ZFP62: variants seen among roughly 807,000 people sequenced by gnomAD.
ZFP62 encodes ZFP62 zinc finger protein, also known as zinc finger protein 62 homolog.
Under a neutral mutation model 56.4 loss-of-function variants are expected in ZFP62, and 44 were observed. That is an observed-to-expected ratio of 0.78 (90% CI 0.61 to 1.00). The LOEUF (loss-of-function observed/expected upper bound fraction) is 1.00. Ranked by LOEUF, ZFP62 falls within the 50% of genes least tolerant of loss-of-function variation. The pLI, the probability that ZFP62 is intolerant of heterozygous loss-of-function variation, is 0.00. For missense variants in ZFP62, 1,030 were observed against 1,085.7 expected, an observed-to-expected ratio of 0.95 and a Z score of 0.72; for synonymous variants, 421 against 388.9, an observed-to-expected ratio of 1.08 and a Z score of -0.97.
chr5:180,831,564 T>C, the ZFP62 span: 2 of 152,434 alleles, frequency 1.3e-5, no homozygotes, highest in African/African-American at 4.8e-5. Flanking sequence ...AACCGGCCTA[T>C]GCGCCAAGCG....
the ZFP62 span, chr5:180,831,775 A>G: frequency 6.5e-6 from 1 of 152,932 alleles, no homozygotes. Flanking sequence ...CCTCGACCTC[A>G]GTTGCCACGT....
In ZFP62 at chr5:180,850,858, T is replaced by A; in HGVS notation, c.637A>T (p.Ile213Leu). ...GKAYMSYSSL[I>L]NHKSTHSGEK... ...CCAGAATGGGTGCTTTTGTGGTTTA[T>A]AAGGCTGGAGTAGGACATGTAGGCT... The change falls in exon 2 of 2, where the codon ATA becomes TTA. Residue 213 changes from isoleucine to leucine, a missense_variant. Transcript: ENST00000502412. 6.4e-7 allele frequency: 1 copy of A among 1,563,428 alleles called. No individual in the cohort carries two copies. The highest frequency in any genetic ancestry group is 8.7e-7 in the Non-Finnish European group (1 of 1,154,016).
At position 180,849,061 on chromosome 5, in the gene ZFP62, G is replaced by T; in HGVS notation, c.2434C>A (p.Pro812Thr). 1 of 1,552,154 alleles carries T rather than the reference G, an allele frequency of 6.4e-7. No individual in the cohort carries two copies. Among genetic ancestry groups the T allele is most frequent in the Non-Finnish European group, 8.7e-7 (1 of 1,147,118 alleles). ...GATTTCCCACACTCACAATTATAGG[G>T]CTGCTTCCCCTGGTGGACACTTTTA... ...NHKSVHQGKQ[P>T]YNCECGKSFN... The change falls in exon 2 of 2, where the codon CCC becomes ACC. Residue 812 changes from proline to threonine, a missense_variant. Transcript: ENST00000502412.
intron 1 of ZFP62, among the ~76,000 whole-genome samples, chr5:180,854,933 T>G (rs1773894097): frequency 6.6e-6 from 1 of 152,206 alleles, no homozygotes; most frequent in Non-Finnish European, 1.5e-5. Context: ...GGAAAATTGT[T>G]ATAGAAAACA....
In ZFP62 at chr5:180,849,311, G is replaced by A. The variant is rs758339658; in HGVS notation, c.2184C>T (p.Pro728=). ...ATTTCCCACACTCAACACACTTGAA[G>A]GGTTTCTCCCCAAGATGGACTCTTT... is the stretch of plus-strand genomic sequence containing the variant. The part of the protein sequence containing the change: ...SHKRVHLGEK[P]FKCVECGKSF... Residue 728 remains proline, a synonymous_variant, in exon 2 of 2, where the codon CCC becomes CCT. Transcript: ENST00000502412. The A allele has an allele frequency of 5.8e-6, 9 of 1,552,198 alleles. No homozygotes were observed. In the African/African-American group the frequency reaches 8.2e-5, roughly 14 times the overall value.
At chr5:180,858,392 G>A (rs1774122175) in intron 1 of ZFP62, among the ~76,000 whole-genome samples, 1 of 151,892 alleles carries the variant, frequency 6.6e-6, no homozygotes, top group African/African-American at 2.4e-5. Context: ...ATCACTTGAG[G>A]CTAGGAGTTC....
downstream of ZFP62, chr5:180,847,597 A>G (rs903258043): frequency 9.1e-6 from 9 of 985,304 alleles, no homozygotes; most frequent in African/African-American, 1.6e-4. Flanking sequence ...TCCTCCATCT[A>G]AACTCACAGC....
In ZFP62 at chr5:180,847,674, A is replaced by G. The variant is rs1221523468; in HGVS notation, c.*1118T>C. 2.0e-6 allele frequency: 2 copies of G among 985,362 alleles called. No individual in the cohort carries two copies. Among genetic ancestry groups the G allele is most frequent in the Non-Finnish European group, 2.4e-6 (2 of 829,946 alleles). 61.0% of individuals were successfully genotyped at this position (985,362 alleles called of 1,614,324 possible). On this transcript the variant is annotated 3_prime_UTR_variant, in exon 2 of 2. Transcript: ENST00000502412. ...ACCTCGCCACAAGGAGCTGGCTTTC[A>G]TGACAAAGAGAGAGTGAGCCCTGAA...
the ZFP62 span, chr5:180,832,891 C>T: frequency 0.035 from 5,356 of 152,292 alleles, 103 homozygotes; most frequent in South Asian, 0.073. Context: ...AGTTTGAGAA[C>T]CGCTGTTCTA....
Position 180,851,004 on chromosome 5 carries a change from G to C in ZFP62, c.491C>G (p.Thr164Ser), listed in dbSNP as rs368580289. 1.4e-4 allele frequency: 220 copies of C among 1,551,904 alleles called. No homozygotes were observed. In the African/African-American group the frequency reaches 2.5e-3, roughly 18 times the overall value. The change falls in exon 2 of 2, where the codon ACT (threonine) becomes AGT (serine). Residue 164 changes from threonine (T) to serine (S), a missense_variant. Thr to Ser is a moderately conservative substitution (Grantham distance 58). Transcript: ENST00000502412. ...ATCACATTCATAGCGCTTTTCCCCA[G>C]TGTGCATAATTTTATGTTGAACAAG... Reference protein sequence around the residue: ...SRLVQHKIMHTGEKRYECDDC... With the variant: ...SRLVQHKIMHSGEKRYECDDC...
intron 1 of ZFP62, among the ~76,000 whole-genome samples, chr5:180,854,704 G>A (rs373101574): frequency 6.6e-6 from 1 of 152,202 alleles, no homozygotes; most frequent in Non-Finnish European, 1.5e-5. Flanking sequence ...CATCACCTAT[G>A]AGAATGCATT....
chr5:180,852,635 G>C (rs1773774089), intron 1 of ZFP62, among the ~76,000 whole-genome samples: 1 of 151,652 alleles, frequency 6.6e-6, no homozygotes, highest in African/African-American at 2.4e-5. Context: ...ATGGAATAGA[G>C]CTCTAAATAT....
chr5:180,846,909 G>A (rs1445981384), downstream of ZFP62, among the ~76,000 whole-genome samples: 4 of 152,194 alleles, frequency 2.6e-5, no homozygotes, highest in Non-Finnish European at 5.9e-5. Context: ...ATGTGCAAAG[G>A]AGGATAGAGA....
In ZFP62 at chr5:180,849,367, A is replaced by G; in HGVS notation, c.2128T>C (p.Phe710Leu). Reference protein sequence around the residue: ...PHTCDECGKAFFSSRTLISHK... With the variant: ...PHTCDECGKALFSSRTLISHK... The stretch of plus-strand genomic sequence containing the variant: ...CTTATAAGAGTTCTGCTTGAGAAAA[A>G]AGCTTTTCCACATTCATCACATGTA... Residue 710 changes from phenylalanine to leucine, a missense_variant, in exon 2 of 2, where the codon TTT becomes CTT. Coordinates refer to ENST00000502412, the MANE Select transcript of ZFP62 (RefSeq NM_001172638.2). The G allele has an allele frequency of 3.9e-6, 6 of 1,551,534 alleles. No individual in the cohort carries two copies. Among genetic ancestry groups the G allele is most frequent in the Non-Finnish European group, 5.2e-6 (6 of 1,146,968 alleles).
At chr5:180,859,641 A>G (rs1428347363) in intron 1 of ZFP62, among the ~76,000 whole-genome samples, 3 of 152,174 alleles carry the variant, frequency 2.0e-5, no homozygotes, top group African/African-American at 7.2e-5. Context: ...GCGATACTAA[A>G]AGGGAGGCTG....
chr5:180,828,298 G>A, the ZFP62 span, among the ~76,000 whole-genome samples: 1 of 152,184 alleles, frequency 6.6e-6, no homozygotes, highest in African/African-American at 2.4e-5. Flanking sequence ...GACACAGGGT[G>A]TTTTGGAGTT....
the ZFP62 span, among the ~76,000 whole-genome samples, chr5:180,827,793 C>T: frequency 5.3e-5 from 8 of 152,176 alleles, no homozygotes; most frequent in African/African-American, 1.4e-4. Context: ...TGGAATGTCT[C>T]GGTATAAAAC....
chr5:180,854,820 T>A (rs939718741), intron 1 of ZFP62, among the ~76,000 whole-genome samples: 3 of 152,170 alleles, frequency 2.0e-5, no homozygotes, highest in Non-Finnish European at 2.9e-5. Flanking sequence ...ATCATTTTCA[T>A]AAAAGACAAA....
chr5:180,829,919 C>G, the ZFP62 span: 1 of 152,250 alleles, frequency 6.6e-6, no homozygotes, highest in Non-Finnish European at 1.5e-5. Flanking sequence ...CACCTTCATA[C>G]TTCTTCCACA....
Sources: allele counts gnomAD v4.1 joint callset (sites outside exome capture counted in the v4.1 genomes callset), GRCh38; gene constraint gnomAD v4.1.1; transcripts MANE v1.5; gene names NCBI Gene and HGNC (gene_info 2026-07-23, HGNC 2026-07-21).